The following PTPRB variants were observed in gnomAD, a reference collection of about 807,000 sequenced individuals.
PTPRB encodes receptor-type tyrosine-protein phosphatase beta.
Under a neutral mutation model 238.1 loss-of-function variants are expected in PTPRB, and 97 were observed. The ratio of observed to expected loss-of-function variants is 0.41; its 90% CI spans 0.35 to 0.48. The LOEUF (loss-of-function observed/expected upper bound fraction) is 0.48. Among genes scored for constraint, PTPRB ranks in the 20% least tolerant of loss-of-function variants. PTPRB has a pLI of 0.30. For missense variants in PTPRB, 2,292 were observed against 2,681.9 expected (o/e 0.85, Z 3.21); for synonymous variants, 970 against 995.4 (o/e 0.97, Z 0.48).
rs565695989 is a variant in PTPRB at position 70,633,038 on chromosome 12, T to A, written c.451+2633A>T. 2.6e-5 allele frequency among the ~76,000 whole-genome samples: 4 copies of A among 152,326 alleles called. No individual in the cohort carries two copies. The South Asian group carries it at 8.3e-4, about 32-fold the overall frequency. The stretch of plus-strand genomic sequence containing the variant: ...TGAAACAAATATGAAACATGTGGCT[T>A]AGATTTTTACCTTCATAGGTCTGCT... On this transcript the variant is annotated intron_variant, in intron 2 of 33. Transcript: ENST00000334414.
At chr12:70,583,146 T>C (rs1388094415) in intron 9 of PTPRB, among the ~76,000 whole-genome samples, 1 of 152,124 alleles carries the variant, frequency 6.6e-6, no homozygotes, top group African/African-American at 2.4e-5. Flanking sequence ...GGAAAGCAGT[T>C]TGGCAGTTTT....
chr12:70,631,408 C>T (rs1378058747), intron 2 of PTPRB, among the ~76,000 whole-genome samples: 1 of 152,164 alleles, frequency 6.6e-6, no homozygotes, highest in African/African-American at 2.4e-5. Flanking sequence ...CCCTTCCTTA[C>T]ACCTTATACA....
At position 70,576,440 on chromosome 12, in the gene PTPRB, C is replaced by A; in HGVS notation, c.2784G>T (p.Val928=). The change falls in exon 11 of 34, where the codon GTG becomes GTT. Residue 928 remains valine (V), a synonymous_variant. Transcript: ENST00000334414. ...ACTTGCCACTCCTTGTAGTTATGGT[C>A]ACGGTGTAGAGGCGGCCTGGGGTGA... ...SSLTPGRLYT[V]TITTRSGKYE... is the part of the protein sequence containing the mutation. 6.2e-7 allele frequency: 1 copy of A among 1,608,548 alleles called. No individual in the cohort carries two copies. Among genetic ancestry groups the A allele is most frequent in the South Asian group, 1.1e-5 (1 of 89,608 alleles).
chr12:70,610,113 C>T (rs1447393682), intron 3 of PTPRB, among the ~76,000 whole-genome samples: 1 of 152,158 alleles, frequency 6.6e-6, no homozygotes, highest in Non-Finnish European at 1.5e-5. Flanking sequence ...CTTCCGCAAT[C>T]AAAAGGCAAT....
At chr12:70,577,204 T>C (rs778115780) in intron 10 of PTPRB, among the ~76,000 whole-genome samples, 16 of 152,290 alleles carry the variant, frequency 1.1e-4, no homozygotes, top group Admixed American at 2.0e-4. Flanking sequence ...TGCAAGGCAT[T>C]TCCTGCCCTC....
intron 4 of PTPRB, among the ~76,000 whole-genome samples, chr12:70,597,648 A>C (rs947783665): frequency 3.9e-5 from 6 of 152,164 alleles, no homozygotes; most frequent in Admixed American, 1.3e-4. Context: ...CAGATATTAT[A>C]ATGGCATGGC....
intron 31 of PTPRB, among the ~76,000 whole-genome samples, chr12:70,533,444 G>C (rs1288475861): frequency 6.6e-6 from 1 of 152,098 alleles, no homozygotes; most frequent in Non-Finnish European, 1.5e-5. Context: ...TCAAAATGTT[G>C]CTGCAAACAT....
Position 70,566,492 on chromosome 12 carries a change from T to C in PTPRB, c.3847A>G (p.Ile1283Val). ...AAGAGGCCTCCACTGACAGTTAGGA[T>C]CTGTATCTTGTATTTCTTGCCTGGT... Reference protein sequence around the residue: ...LTPGKKYKIQILTVSGGLFSK... With the variant: ...LTPGKKYKIQVLTVSGGLFSK... The change falls in exon 15 of 34, where the codon ATC becomes GTC. Residue 1283 changes from isoleucine to valine, a missense_variant. Physicochemically the swap from Ile to Val is conservative, Grantham distance 29. Coordinates refer to ENST00000334414, the MANE Select transcript of PTPRB (RefSeq NM_001109754.4). The C allele has an allele frequency of 6.2e-7, 1 of 1,614,024 alleles. No homozygotes were observed. Among genetic ancestry groups the C allele is most frequent in the Non-Finnish European group, 8.5e-7 (1 of 1,179,894 alleles).
At chr12:70,538,696 G>A in intron 27 of PTPRB, 1 of 556,210 alleles carries the variant, frequency 1.8e-6, no homozygotes, top group Non-Finnish European at 3.2e-6. Context: ...ATCACATGGG[G>A]AAATGTCAAC....
intron 13 of PTPRB, 87 bp from the exon 14 acceptor site, chr12:70,570,025 T>TCA: frequency 7.8e-7 from 1 of 1,278,386 alleles, no homozygotes; most frequent in East Asian, 2.5e-5. Context: ...TTCTGATGTT[T>TCA]TGGCACCCAC....
intron 2 of PTPRB, among the ~76,000 whole-genome samples, chr12:70,631,774 T>C (rs1885464999): frequency 6.6e-6 from 1 of 152,170 alleles, no homozygotes; most frequent in Non-Finnish European, 1.5e-5. Flanking sequence ...GCAAAGGATA[T>C]GAACAGACAC....
chr12:70,589,686 G>A (rs753691175), intron 8 of PTPRB, among the ~76,000 whole-genome samples: 4 of 139,108 alleles, frequency 2.9e-5, no homozygotes, highest in Non-Finnish European at 6.3e-5. Context: ...TTTGTGGGAA[G>A]GGTCAGTGTT....
chr12:70,589,222 G>T (rs1882238474), intron 8 of PTPRB, among the ~76,000 whole-genome samples: 1 of 152,306 alleles, frequency 6.6e-6, no homozygotes, highest in East Asian at 1.9e-4. Flanking sequence ...AGCTAAGTGG[G>T]TGTCATGATC....
intron 32 of PTPRB, among the ~76,000 whole-genome samples, chr12:70,530,575 A>G (rs1592395755): frequency 6.6e-6 from 1 of 152,210 alleles, no homozygotes; most frequent in African/African-American, 2.4e-5. Context: ...ATAATATGAT[A>G]AGTGGGATTT....
chr12:70,535,696 G>A (rs1874025576), intron 29 of PTPRB, among the ~76,000 whole-genome samples: 1 of 152,142 alleles, frequency 6.6e-6, no homozygotes, highest in Admixed American at 6.5e-5. Flanking sequence ...TGAGGGGCAG[G>A]TCCAGTGACT....
At chr12:70,542,066 G>A (rs1875216089) in intron 22 of PTPRB, 1 of 152,146 alleles carries the variant, frequency 6.6e-6, no homozygotes, top group East Asian at 1.9e-4. Context: ...ATTCTCATAA[G>A]CAGTGTATGG....
chr12:70,539,624 C>A lies in PTPRB; in HGVS notation c.5778+1G>T. The stretch of plus-strand genomic sequence containing the variant: ...GAAGCTTCATTCTGCCTGAGTTGTA[C>A]CTCGTATTCCTTGGATAGAAGGTAG... On this transcript the variant is annotated splice_donor_variant, in intron 26 of 33. Transcript: ENST00000334414. LOFTEE classifies it high-confidence loss of function. 1 of 1,540,658 alleles carries A rather than the reference C, an allele frequency of 6.5e-7. No homozygotes were observed. The highest frequency in any genetic ancestry group is 2.3e-5 in the East Asian group (1 of 43,032).
intron 2 of PTPRB, among the ~76,000 whole-genome samples, chr12:70,623,077 AAGC>A (rs1885020568): frequency 6.6e-6 from 1 of 152,138 alleles, no homozygotes; most frequent in East Asian, 1.9e-4. Context: ...CAGCTTCTCA[AAGC>A]AGGTTTTAAA....
chr12:70,576,731 T>C, intron 10 of PTPRB, 86 bp from the exon 11 acceptor site: 1 of 731,732 alleles, frequency 1.4e-6, no homozygotes, highest in Non-Finnish European at 2.3e-6. Flanking sequence ...AGTCGTCTAT[T>C]GCAGTCAGCA....
Sources: gnomAD v4.1 joint callset for allele counts (sites outside exome capture counted in the v4.1 genomes callset) on GRCh38, gnomAD v4.1.1 for gene constraint, MANE v1.5 for transcripts, NCBI Gene and HGNC (gene_info 2026-07-23, HGNC 2026-07-21) for gene names.